The following DAB1 variants were observed in gnomAD, a reference collection of about 807,000 sequenced individuals.
DAB1 encodes the protein DAB adaptor protein 1.
Under a neutral mutation model 64.6 loss-of-function variants are expected in DAB1, and 15 were observed. That is an observed-to-expected ratio of 0.23 (90% CI 0.16 to 0.36). The LOEUF (loss-of-function observed/expected upper bound fraction) is 0.36. Among genes scored for constraint, DAB1 ranks in the 10% least tolerant of loss-of-function variants. The pLI, the probability that DAB1 is intolerant of heterozygous loss-of-function variation, is 1.00. For synonymous variants in DAB1, 235 were observed against 251.9 expected, an observed-to-expected ratio of 0.93 and a Z score of 0.64; for missense variants, 596 against 706.7, an observed-to-expected ratio of 0.84 and a Z score of 1.78.
intron 3 of DAB1, among the ~76,000 whole-genome samples, chr1:58,343,888 G>A (rs981053252): frequency 6.6e-6 from 1 of 152,196 alleles, no homozygotes; most frequent in African/African-American, 2.4e-5. Context: ...AAACATTGCT[G>A]TTTAACCTGT....
chr1:57,053,688 A>ATATATTTT (rs1447741565), intron 9 of DAB1, among the ~76,000 whole-genome samples: 118 of 71,384 alleles, frequency 1.7e-3, no homozygotes, highest in South Asian at 5.3e-3. Context: ...ATATATATAT[A>ATATATTTT]TTTTTTTTTT....
chr1:57,708,897 C>G (rs1646996932), intron 6 of DAB1, among the ~76,000 whole-genome samples: 1 of 152,046 alleles, frequency 6.6e-6, no homozygotes, highest in African/African-American at 2.4e-5. Context: ...TGTGATCACT[C>G]TAATTGTTTT....
At chr1:57,832,035 ATG>A (rs1448293263) in intron 1 of DAB1, among the ~76,000 whole-genome samples, 2 of 152,236 alleles carry the variant, frequency 1.3e-5, no homozygotes, top group Non-Finnish European at 2.9e-5. Flanking sequence ...ATATATGCAT[ATG>A]TACGTGCATA....
At chr1:57,730,873 G>A (rs1385896464) in intron 6 of DAB1, among the ~76,000 whole-genome samples, 1 of 152,184 alleles carries the variant, frequency 6.6e-6, no homozygotes, top group Non-Finnish European at 1.5e-5. Flanking sequence ...GTGCATTACT[G>A]ATGGGAATGT....
intron 4 of DAB1, among the ~76,000 whole-genome samples, chr1:57,091,420 T>C (rs144705393): frequency 2.0e-5 from 3 of 152,314 alleles, no homozygotes; most frequent in African/African-American, 4.8e-5. Flanking sequence ...TAAAGCTCTA[T>C]GTAATTTATT....
At chr1:57,065,335 G>C (rs540478565) in intron 8 of DAB1, among the ~76,000 whole-genome samples, 143 of 152,098 alleles carry the variant, frequency 9.4e-4, no homozygotes, top group Non-Finnish European at 1.3e-3. Context: ...TGCATCACGC[G>C]TTCCCTGGGA....
At chr1:58,237,752 T>G (rs1308210267) in intron 4 of DAB1, among the ~76,000 whole-genome samples, 3 of 152,188 alleles carry the variant, frequency 2.0e-5, no homozygotes, top group Non-Finnish European at 4.4e-5. Context: ...CACTGGTGGC[T>G]TCAGCATATT....
chr1:57,877,141 C>A (rs1334267390), intron 1 of DAB1, among the ~76,000 whole-genome samples: 1 of 152,086 alleles, frequency 6.6e-6, no homozygotes, highest in Admixed American at 6.6e-5. Flanking sequence ...GGTATTATTT[C>A]TTTTACAAAT....
chr1:57,453,140 T>C (rs572413379), intron 7 of DAB1, among the ~76,000 whole-genome samples: 1 of 152,084 alleles, frequency 6.6e-6, no homozygotes, highest in South Asian at 2.1e-4. Flanking sequence ...AAGAATCTTA[T>C]TGTCTGAGAG....
intron 5 of DAB1, among the ~76,000 whole-genome samples, chr1:58,136,450 C>G (rs1308719687): frequency 6.6e-6 from 1 of 152,188 alleles, no homozygotes; most frequent in Non-Finnish European, 1.5e-5. Flanking sequence ...TCTCACAATA[C>G]TGAAGGCTGC....
At chr1:58,282,995 C>A (rs560887680) in intron 4 of DAB1, among the ~76,000 whole-genome samples, 3 of 152,126 alleles carry the variant, frequency 2.0e-5, no homozygotes, top group South Asian at 4.2e-4. Flanking sequence ...CGCCAGTGAC[C>A]CATCCCCCCA....
At position 57,281,711 on chromosome 1, in the gene DAB1, G is replaced by A. The variant is rs549588419; in HGVS notation, c.67+9253C>T. 2.6e-5 allele frequency among the ~76,000 whole-genome samples: 4 copies of A among 152,264 alleles called. No individual in the cohort carries two copies. In the East Asian group the frequency reaches 7.7e-4, roughly 29 times the overall value. On this transcript the variant is annotated intron_variant, in intron 2 of 14. Coordinates refer to ENST00000371236, the MANE Select transcript of DAB1 (RefSeq NM_001365792.1). ...CAGTGCTGAGAATGGCTTGGAGATG[G>A]ACAGCAGTGAAAACCTGAAAACCAT...
intron 1 of DAB1, among the ~76,000 whole-genome samples, chr1:57,855,140 T>C (rs1002264204): frequency 2.6e-5 from 4 of 152,124 alleles, no homozygotes; most frequent in Admixed American, 2.6e-4. Flanking sequence ...TGTGAGGACA[T>C]CTATGAGTGC....
chr1:57,537,271 T>C (rs1054271537), intron 7 of DAB1, among the ~76,000 whole-genome samples: 3 of 152,170 alleles, frequency 2.0e-5, no homozygotes, highest in Admixed American at 2.0e-4. Flanking sequence ...TGAACCACCT[T>C]GGGAGCTTTT....
chr1:57,668,459 G>A (rs1646473802), intron 6 of DAB1, among the ~76,000 whole-genome samples: 1 of 151,934 alleles, frequency 6.6e-6, no homozygotes, highest in African/African-American at 2.4e-5. Context: ...TATATAAGAG[G>A]GCAATCCTTA....
At chr1:58,243,842 C>A (rs1316786109) in intron 4 of DAB1, among the ~76,000 whole-genome samples, 1 of 152,030 alleles carries the variant, frequency 6.6e-6, no homozygotes, top group African/African-American at 2.4e-5. Context: ...CCTTCTGATG[C>A]CTGATAGTAG....
intron 4 of DAB1, among the ~76,000 whole-genome samples, chr1:58,255,365 A>G (rs1660905458): frequency 6.6e-6 from 1 of 152,042 alleles, no homozygotes; most frequent in Admixed American, 6.5e-5. Flanking sequence ...TCCAGAGTGA[A>G]GCCAGTTCTT....
intron 4 of DAB1, among the ~76,000 whole-genome samples, chr1:57,110,183 C>T (rs1386762912): frequency 6.6e-6 from 1 of 152,210 alleles, no homozygotes; most frequent in Non-Finnish European, 1.5e-5. Context: ...GGAATAAAAA[C>T]ATGAGCGAGA....
chr1:57,506,122 G>T (rs1644340296), intron 7 of DAB1, among the ~76,000 whole-genome samples: 1 of 152,178 alleles, frequency 6.6e-6, no homozygotes, highest in Admixed American at 6.5e-5. Context: ...CCTTCTTGCG[G>T]TGCCAGAGTC....
Sources: allele counts gnomAD v4.1 joint callset (sites outside exome capture counted in the v4.1 genomes callset), GRCh38; gene constraint gnomAD v4.1.1; transcripts MANE v1.5; gene names NCBI Gene and HGNC (gene_info 2026-07-23, HGNC 2026-07-21).